Variants in TRMT11 observed in about 807,000 individuals in gnomAD.
The protein encoded by TRMT11 is tRNA methyltransferase 11.
Under a neutral mutation model 62.8 loss-of-function variants are expected in TRMT11, and 53 were observed. That is an observed-to-expected ratio of 0.84 (90% CI 0.68 to 1.06). The LOEUF (loss-of-function observed/expected upper bound fraction) is 1.06. Among genes scored for constraint, TRMT11 ranks in the 50% least tolerant of loss-of-function variants. TRMT11 has a pLI of 0.00. For missense variants in TRMT11, 556 were observed against 553.4 expected, an observed-to-expected ratio of 1.00 and a Z score of -0.05; for synonymous variants, 188 against 190.3, an observed-to-expected ratio of 0.99 and a Z score of 0.10.
intron 21 of TRMT11, among the ~76,000 whole-genome samples, chr6:126,161,761 T>A (rs1218679597): frequency 6.6e-6 from 1 of 152,252 alleles, no homozygotes. Context: ...TCTTGACTTT[T>A]TAATGATCGC....
chr6:126,165,233 G>T (rs1778244820), intron 21 of TRMT11, among the ~76,000 whole-genome samples: 1 of 151,580 alleles, frequency 6.6e-6, no homozygotes, highest in Admixed American at 6.6e-5. Context: ...AGCCGAGATG[G>T]GTGCCACTGT....
chr6:126,013,068 G>T lies in TRMT11; in HGVS notation c.1106G>T (p.Arg369Ile). ...GCTGAGACCCTCGTTTTAGGTGGAAGACTAGTCTATTGGTTACCGGTGTAT... is the reference window on the plus strand; with the variant it reads ...GCTGAGACCCTCGTTTTAGGTGGAATACTAGTCTATTGGTTACCGGTGTAT... The part of the protein sequence containing the change: ...FAAETLVLGG[R>I]LVYWLPVYTP... The change falls in exon 11 of 13, where the codon AGA (arginine) becomes ATA (isoleucine). Residue 369 changes from arginine (R) to isoleucine (I), a missense_variant. Arg to Ile is a moderately conservative substitution (Grantham distance 97). Transcript: ENST00000334379. The T allele has an allele frequency of 6.2e-7, 1 of 1,613,760 alleles. No homozygotes were observed. The highest frequency in any genetic ancestry group is 8.5e-7 in the Non-Finnish European group (1 of 1,179,906).
chr6:126,013,173 T>C, intron 11 of TRMT11, 72 bp downstream of exon 11: 1 of 1,375,598 alleles, frequency 7.3e-7, no homozygotes, highest in Non-Finnish European at 1.0e-6. Context: ...AATTTTCTCT[T>C]TATCTCTTCT....
At chr6:126,247,211 A>G in the TRMT11 span, among the ~76,000 whole-genome samples, 14 of 152,174 alleles carry the variant, frequency 9.2e-5, no homozygotes, top group Non-Finnish European at 1.0e-4. Flanking sequence ...CCTTGTGGGG[A>G]ATAGGACTGC....
downstream of TRMT11, among the ~76,000 whole-genome samples, chr6:126,204,577 A>G (rs898647242): frequency 6.9e-6 from 1 of 144,896 alleles, no homozygotes; most frequent in African/African-American, 2.4e-5. Flanking sequence ...GCCTGTCTGT[A>G]CTTATATGTA....
At chr6:125,990,880 C>T (rs1348580138) in intron 1 of TRMT11, among the ~76,000 whole-genome samples, 1 of 152,014 alleles carries the variant, frequency 6.6e-6, no homozygotes, top group East Asian at 1.9e-4. Context: ...TCTACTAGAC[C>T]ATAATTTCCC....
chr6:126,151,416 C>T (rs1471336975), intron 21 of TRMT11, among the ~76,000 whole-genome samples: 2 of 152,172 alleles, frequency 1.3e-5, no homozygotes, highest in Admixed American at 6.5e-5. Context: ...CCTCTTCCCT[C>T]CATTTGTGAT....
At chr6:126,186,795 C>T (rs74817916) in intron 1 of TRMT11, among the ~76,000 whole-genome samples, 73 of 152,092 alleles carry the variant, frequency 4.8e-4, no homozygotes, top group Non-Finnish European at 5.7e-4. Flanking sequence ...ATACTTCTCT[C>T]GTGACCTTTA....
intron 12 of TRMT11, among the ~76,000 whole-genome samples, chr6:126,030,861 A>G (rs983815570): frequency 6.6e-6 from 1 of 152,200 alleles, no homozygotes; most frequent in Non-Finnish European, 1.5e-5. Context: ...TTTTTAAAGA[A>G]TAGTGATTTT....
intron 21 of TRMT11, among the ~76,000 whole-genome samples, chr6:126,155,038 G>C (rs1214361103): frequency 6.6e-6 from 1 of 152,088 alleles, no homozygotes; most frequent in Non-Finnish European, 1.5e-5. Flanking sequence ...CATTGTATTA[G>C]GCTGTTTGAG....
At chr6:126,026,802 GTTTT>G (rs1222722212) in intron 12 of TRMT11, among the ~76,000 whole-genome samples, 2 of 121,730 alleles carry the variant, frequency 1.6e-5, no homozygotes, top group Non-Finnish European at 1.7e-5. Context: ...GGTTTTTTGG[GTTTT>G]TTTTTTTTTT....
chr6:126,044,907 C>T (rs1041846967), intron 16 of TRMT11, among the ~76,000 whole-genome samples: 1 of 151,570 alleles, frequency 6.6e-6, no homozygotes, highest in Non-Finnish European at 1.5e-5. Flanking sequence ...ATTATCAGGC[C>T]AGGCACAGTG....
chr6:125,991,165 G>A (rs947553139), intron 1 of TRMT11, among the ~76,000 whole-genome samples: 9 of 151,456 alleles, frequency 5.9e-5, no homozygotes, highest in Non-Finnish European at 7.4e-5. Flanking sequence ...AGAATCGCAT[G>A]AACCTGGGAG....
the TRMT11 span, among the ~76,000 whole-genome samples, chr6:126,235,719 G>A: frequency 1.5e-4 from 23 of 152,232 alleles, no homozygotes; most frequent in African/African-American, 4.6e-4. Flanking sequence ...GATTGGGAGG[G>A]GAGAGAGCAT....
Position 126,011,316 on chromosome 6 carries a change from G to A in TRMT11, c.824G>A (p.Arg275His), listed in dbSNP as rs759177203. The A allele has an allele frequency of 1.4e-5, 22 of 1,613,348 alleles. No homozygotes were observed. Among genetic ancestry groups the A allele is most frequent in the Non-Finnish European group, 1.7e-5 (20 of 1,179,556 alleles). The stretch of plus-strand genomic sequence containing the variant: ...GATGAAAACATTAGGGCCAATCTTC[G>A]TCAATATGGTTTAGAGAAGTATTAC... ...GPDENIRANL[R>H]QYGLEKYYLD... Residue 275 changes from arginine (R) to histidine (H), a missense_variant, in exon 9 of 13, where the codon CGT becomes CAT. Arg to His is a conservative substitution (Grantham distance 29, BLOSUM62 0). Transcript: ENST00000334379.
chr6:126,223,763 G>A, the TRMT11 span, among the ~76,000 whole-genome samples: 1 of 152,214 alleles, frequency 6.6e-6, no homozygotes, highest in South Asian at 2.1e-4. Flanking sequence ...TTTCCAAGTT[G>A]CTTGCTCTGT....
chr6:126,093,402 G>A (rs866712750), intron 17 of TRMT11, among the ~76,000 whole-genome samples: 1 of 150,592 alleles, frequency 6.6e-6, no homozygotes, highest in Non-Finnish European at 1.5e-5. Flanking sequence ...AAGGTAAATT[G>A]ACTATAACAA....
chr6:126,208,786 A>C (rs903006330), downstream of TRMT11, among the ~76,000 whole-genome samples: 2 of 152,268 alleles, frequency 1.3e-5, no homozygotes. Context: ...GCTGGACTCC[A>C]ATATATTATT....
intron 17 of TRMT11, among the ~76,000 whole-genome samples, chr6:126,071,308 C>T (rs1776846863): frequency 6.6e-6 from 1 of 151,874 alleles, no homozygotes; most frequent in Admixed American, 6.6e-5. Flanking sequence ...GTGTTTTAAT[C>T]ATAAACCACT....
Sources: gnomAD v4.1 joint callset for allele counts (sites outside exome capture counted in the v4.1 genomes callset) on GRCh38, gnomAD v4.1.1 for gene constraint, MANE v1.5 for transcripts, NCBI Gene and HGNC (gene_info 2026-07-23, HGNC 2026-07-21) for gene names.